The following SP140L variants were observed in gnomAD, a reference collection of about 807,000 sequenced individuals.
The protein encoded by SP140L is nuclear body protein SP140-like protein.
In SP140L, 64 loss-of-function variants were observed where a neutral mutation model predicts 84.3. That is an observed-to-expected ratio of 0.76 (90% confidence interval 0.62 to 0.94). The LOEUF (loss-of-function observed/expected upper bound fraction) is 0.94, where lower values mean the gene tolerates loss of function less well. SP140L is among the 40% of genes least tolerant of loss of function. The probability of loss-of-function intolerance (pLI) is 0.00; values close to 1 mark genes in which losing one functional copy is unlikely to be tolerated. For missense variants in SP140L, 628 were observed against 692.5 expected (o/e 0.91, Z 1.05); for synonymous variants, 242 against 236.9 (o/e 1.02, Z -0.20).
intron 14 of SP140L, among the ~76,000 whole-genome samples, chr2:230,398,486 G>C (rs1198219592): frequency 6.6e-6 from 1 of 152,222 alleles, no homozygotes; most frequent in Admixed American, 6.5e-5. Flanking sequence ...GTGAACATTT[G>C]CTACAAGAAC....
intron 2 of SP140L, among the ~76,000 whole-genome samples, chr2:230,331,036 A>T (rs1306554765): frequency 6.6e-6 from 1 of 152,274 alleles, no homozygotes; most frequent in Non-Finnish European, 1.5e-5. Context: ...ATTTTAGTCA[A>T]TAAAGGCCCC....
intron 2 of SP140L, among the ~76,000 whole-genome samples, chr2:230,329,678 T>C (rs914017983): frequency 5.9e-5 from 9 of 152,230 alleles, no homozygotes; most frequent in African/African-American, 2.2e-4. Flanking sequence ...CTCCTTCACC[T>C]TCTGCCATGA....
chr2:230,348,642 A>G (rs1328748215), intron 2 of SP140L, among the ~76,000 whole-genome samples: 2 of 152,236 alleles, frequency 1.3e-5, no homozygotes, highest in Non-Finnish European at 2.9e-5. Flanking sequence ...ATAATTGGCT[A>G]ATATTTTCTC....
intron 2 of SP140L, among the ~76,000 whole-genome samples, chr2:230,346,388 A>T (rs1039173209): frequency 6.6e-6 from 1 of 152,174 alleles, no homozygotes; most frequent in African/African-American, 2.4e-5. Context: ...TGTTTGGGGA[A>T]CTTTGGGCCT....
rs145339453 is a variant in SP140L, at chr2:230,392,096, C to T, written c.974C>T (p.Ala325Val). Residue 325 changes from alanine to valine, a missense_variant, in exon 12 of 19, where the codon GCA becomes GTA. By Grantham distance (64) the Ala-to-Val change is moderately conservative. This residue lies in a region of SP140L where 525 missense variants were observed against 518.4 expected (regional missense o/e 1.01). Coordinates refer to ENST00000415673, the MANE Select transcript of SP140L (RefSeq NM_138402.6). ...HKEKLEQGTL[A>V]KCIQTEDGKW... ...TACCCTGGTCTTACAGGAACCTTGG[C>T]AAAGTGTATACAGACTGAGGATGGA... is the stretch of plus-strand genomic sequence containing the variant. The T allele has an allele frequency of 1.3e-3, 2,064 of 1,613,740 alleles. 16 individuals carry two copies. In the African/African-American group the frequency reaches 0.023, roughly 18 times the overall value.
chr2:230,343,245 C>A (rs1178218203), intron 2 of SP140L, among the ~76,000 whole-genome samples: 1 of 147,506 alleles, frequency 6.8e-6, no homozygotes, highest in East Asian at 2.0e-4. Flanking sequence ...TCCCTACACC[C>A]CCGACAGGTG....
Position 230,383,531 on chromosome 2 carries a change from G to A in SP140L, c.659G>A (p.Trp220Ter). The change falls in exon 8 of 19, where the codon TGG becomes TAG. Residue 220 changes from tryptophan to a stop codon, truncating the protein, a stop_gained. Transcript: ENST00000415673. LOFTEE classifies it high-confidence loss of function. ...GAAGGAAAAAAGAAGGGGCATGGCT[G>A]GAGCAGAATGGGAACGAGAACGCAG... is the stretch of plus-strand genomic sequence containing the variant. ...RKRRKKKGHG[W>*]SRMGTRTQKN... The A allele has an allele frequency of 1.2e-6, 2 of 1,606,046 alleles. No individual in the cohort carries two copies. The highest frequency in any genetic ancestry group is 1.7e-6 in the Non-Finnish European group (2 of 1,176,200).
At chr2:230,395,565 G>A (rs961616853) in intron 13 of SP140L, among the ~76,000 whole-genome samples, 3 of 152,088 alleles carry the variant, frequency 2.0e-5, no homozygotes, top group Admixed American at 1.3e-4. Context: ...GGGTGACAGA[G>A]TGAAACCCTG....
rs1253583442 is a variant in SP140L, at chr2:230,401,649, T to C, written c.1501-15T>C. 2.5e-6 allele frequency: 3 copies of C among 1,205,166 alleles called. No homozygotes were observed. The highest frequency in any genetic ancestry group is 2.6e-4 in the Middle Eastern group (1 of 3,810). The allele number at this position is 1,205,166 out of a possible 1,614,324, so 74.7% of individuals were successfully genotyped here. On this transcript the variant is annotated splice_polypyrimidine_tract_variant and intron_variant, in intron 17 of 18. Coordinates refer to ENST00000415673, the MANE Select transcript of SP140L (RefSeq NM_138402.6). Reference sequence around the variant, plus strand: ...ACTATGCTGGTAGCTTTTCCATTGGTATATTTGTCACCAGATTAGAGAGGC... The same window carrying C: ...ACTATGCTGGTAGCTTTTCCATTGGCATATTTGTCACCAGATTAGAGAGGC...
At chr2:230,380,685 A>C (rs889073440) in intron 7 of SP140L, among the ~76,000 whole-genome samples, 4 of 152,144 alleles carry the variant, frequency 2.6e-5, no homozygotes, top group African/African-American at 9.7e-5. Context: ...TTTTTCCATG[A>C]TAACTTAATT....
chr2:230,377,320 T>C (rs1424655370), intron 7 of SP140L, among the ~76,000 whole-genome samples: 1 of 152,160 alleles, frequency 6.6e-6, no homozygotes, highest in African/African-American at 2.4e-5. Context: ...CCCAGGTTGT[T>C]TTTTTTAAAT....
chr2:230,376,032 G>T (rs1432996234), intron 7 of SP140L, among the ~76,000 whole-genome samples: 2 of 151,942 alleles, frequency 1.3e-5, no homozygotes, highest in Non-Finnish European at 2.9e-5. Context: ...GAATTTTATG[G>T]TTTCATGTTT....
rs78967653 is a variant in SP140L at position 230,342,820 on chromosome 2, A to T, written c.107+13989A>T. Among the ~76,000 whole-genome samples, 20 of 117,486 alleles carry T rather than the reference A, an allele frequency of 1.7e-4. No individual in the cohort carries two copies. In the East Asian group the frequency reaches 1.7e-3, roughly 10 times the overall value. 77.1% of individuals were successfully genotyped at this position (117,486 alleles called of 152,430 possible). On this transcript the variant is annotated intron_variant, in intron 2 of 18. Transcript: ENST00000415673. ...TAGCTAAAGATTTATCCTTTTTTTTAAAATCTTTTCAAAGAACCAAGTCTG... is the reference window on the plus strand; with the variant it reads ...TAGCTAAAGATTTATCCTTTTTTTTTAAATCTTTTCAAAGAACCAAGTCTG...
rs182692156 is a variant in SP140L, at chr2:230,357,828, T to C, written c.131T>C (p.Val44Ala). Residue 44 changes from valine (V) to alanine (A), a missense_variant, in exon 3 of 19, where the codon GTA becomes GCA. Val to Ala is a moderately conservative substitution (Grantham distance 64). Around this residue, in one of 4 missense-constraint regions of SP140L, gnomAD observed 525 missense variants for 518.4 expected, o/e 1.01. Transcript: ENST00000415673. ...AGGCTGTTCACGGAAGACCAGGATG[T>C]AGATGAGGGACTTGTCTATGACACT... Reference protein sequence around the residue: ...LQRLFTEDQDVDEGLVYDTVF... With the variant: ...LQRLFTEDQDADEGLVYDTVF... 514 of 1,612,860 alleles carry C rather than the reference T, an allele frequency of 3.2e-4. 3 individuals are homozygous for C. The African/African-American group carries it at 6.3e-3, about 20-fold the overall frequency.
At chr2:230,334,805 C>T (rs1381661875) in intron 2 of SP140L, among the ~76,000 whole-genome samples, 2 of 151,954 alleles carry the variant, frequency 1.3e-5, no homozygotes, top group Non-Finnish European at 2.9e-5. Context: ...TGATTTGAAA[C>T]CAATGTCTGT....
chr2:230,357,617 C>T (rs2060587112), intron 2 of SP140L, among the ~76,000 whole-genome samples, 188 bp from the exon 3 acceptor site: 1 of 152,128 alleles, frequency 6.6e-6, no homozygotes, highest in African/African-American at 2.4e-5. Flanking sequence ...CTTGCATAGG[C>T]TCCATGATAT....
Position 230,328,806 on chromosome 2 carries a change from C to T in SP140L, c.82C>T (p.Pro28Ser), listed in dbSNP as rs1357450985. 1 of 1,612,042 alleles carries T rather than the reference C, an allele frequency of 6.2e-7. No homozygotes were observed. Among genetic ancestry groups the T allele is most frequent in the Non-Finnish European group, 8.5e-7 (1 of 1,178,840 alleles). ...SQVANEMNHL[P>S]AHSQSLQRLF... ...AGTAGCAAATGAGATGAACCATCTT[C>T]CTGCACACAGCCAAAGTCTGCAAAG... The change falls in exon 2 of 19, where the codon CCT becomes TCT. Residue 28 changes from proline (P) to serine (S), a missense_variant. Pro to Ser is a moderately conservative substitution (Grantham distance 74, BLOSUM62 -1). This residue lies in a region of SP140L where 525 missense variants were observed against 518.4 expected (regional missense o/e 1.01). Transcript: ENST00000415673.
chr2:230,339,304 C>G (rs1314411245), intron 2 of SP140L, among the ~76,000 whole-genome samples: 7 of 151,708 alleles, frequency 4.6e-5, no homozygotes, highest in African/African-American at 1.7e-4. Context: ...GTTGTATTCT[C>G]TGATGGTAGT....
intron 5 of SP140L, among the ~76,000 whole-genome samples, chr2:230,370,673 A>G (rs186754000): frequency 1.4e-4 from 21 of 151,994 alleles, no homozygotes; most frequent in Admixed American, 6.5e-4. Context: ...CAGAGTTCTG[A>G]TAATGAAAAA....
Sources: allele counts gnomAD v4.1 joint callset (sites outside exome capture counted in the v4.1 genomes callset), GRCh38; gene constraint gnomAD v4.1.1; regional missense constraint gnomAD v4.1.1; transcripts MANE v1.5; gene names NCBI Gene and HGNC (gene_info 2026-07-23, HGNC 2026-07-21).